The following SRP54 variants were observed in gnomAD, a reference collection of about 807,000 sequenced individuals.
SRP54 encodes signal recognition particle subunit SRP54.
In SRP54, 10 loss-of-function variants were observed where a neutral mutation model predicts 64.8. The observed-to-expected ratio is 0.15, with a 90% confidence interval of 0.10 to 0.26. SRP54 has a LOEUF of 0.26. Among genes scored for constraint, SRP54 ranks in the 10% least tolerant of loss-of-function variants. SRP54 has a pLI of 1.00. For synonymous variants in SRP54, 193 were observed against 185.6 expected (o/e 1.04, Z -0.32); for missense variants, 325 against 613.7 (o/e 0.53, Z 4.97).
chr14:35,001,588 GGCCTAA>G (rs2044174202), intron 4 of SRP54, among the ~76,000 whole-genome samples: 1 of 152,054 alleles, frequency 6.6e-6, no homozygotes, highest in Admixed American at 6.6e-5. Context: ...TTGATGGAAG[GGCCTAA>G]GTTTTTCCTC....
At chr14:35,014,368 C>A (rs1246622191) in intron 10 of SRP54, among the ~76,000 whole-genome samples, 1 of 150,274 alleles carries the variant, frequency 6.7e-6, no homozygotes, top group East Asian at 2.0e-4. Flanking sequence ...CCTTCAGCCT[C>A]CCGGGTTCAA....
At chr14:34,984,332 C>T (rs2043859307) in intron 1 of SRP54, among the ~76,000 whole-genome samples, 1 of 152,142 alleles carries the variant, frequency 6.6e-6, no homozygotes, top group African/African-American at 2.4e-5. Context: ...TTAGTAAAAG[C>T]TCCTATCTCT....
At chr14:35,020,068 C>T (rs2044501674) in intron 13 of SRP54, among the ~76,000 whole-genome samples, 1 of 152,048 alleles carries the variant, frequency 6.6e-6, no homozygotes, top group South Asian at 2.1e-4. Flanking sequence ...ACCTGTAATC[C>T]CAGCTACTTG....
chr14:35,003,669 A>C lies in SRP54; in HGVS notation c.255+2649A>C, dbSNP rs142426962. On this transcript the variant is annotated intron_variant, in intron 4 of 15. Coordinates refer to ENST00000216774, the MANE Select transcript of SRP54 (RefSeq NM_003136.4). The stretch of plus-strand genomic sequence containing the variant: ...CTGCAGCCTCATCCTCCCTGGGCTC[A>C]GGTGATCCCTACACCTGAGCCTCCT... 1.6e-3 allele frequency among the ~76,000 whole-genome samples: 239 copies of C among 149,682 alleles called. 1 individual carries two copies. The highest frequency in any genetic ancestry group is 6.8e-3 in the Middle Eastern group (2 of 292).
intron 2 of SRP54, among the ~76,000 whole-genome samples, chr14:34,997,818 A>G (rs1401293615): frequency 1.3e-5 from 2 of 152,330 alleles, no homozygotes; most frequent in South Asian, 2.1e-4. Flanking sequence ...TTTTTCTAAT[A>G]CTGCTTATTA....
chr14:35,006,510 A>G (rs1330407770), intron 4 of SRP54, among the ~76,000 whole-genome samples: 2 of 152,166 alleles, frequency 1.3e-5, no homozygotes, highest in Non-Finnish European at 2.9e-5. Flanking sequence ...ATATCTCATT[A>G]ATTTTTTATA....
Position 35,013,783 on chromosome 14 carries a change from ATTTTC to A in SRP54, c.786-14_786-10del, listed in dbSNP as rs1271078677. The A allele has an allele frequency of 8.2e-6, 13 of 1,589,018 alleles. No individual in the cohort carries two copies. Among genetic ancestry groups the A allele is most frequent in the African/African-American group, 1.4e-5 (1 of 73,486 alleles). On this transcript the variant is annotated splice_polypyrimidine_tract_variant and intron_variant, in intron 9 of 15. Coordinates refer to ENST00000216774, the MANE Select transcript of SRP54 (RefSeq NM_003136.4). ...TGGGGTTCTTTTGAGGTTATTTTAT[ATTTTC>A]TTTTTTTTTCCAGAGTCGCTGCCAC... is the stretch of plus-strand genomic sequence containing the variant.
At chr14:34,993,440 A>T (rs1207187196) in intron 1 of SRP54, 1 of 152,140 alleles carries the variant, frequency 6.6e-6, no homozygotes, top group Non-Finnish European at 1.5e-5. Flanking sequence ...AAAAAATCTT[A>T]TGGTAAGCAA....
intron 2 of SRP54, among the ~76,000 whole-genome samples, chr14:34,998,387 A>G (rs1342947241): frequency 6.6e-6 from 1 of 152,122 alleles, no homozygotes; most frequent in Admixed American, 6.5e-5. Flanking sequence ...TTCAACAAAC[A>G]TATGATGATA....
intron 11 of SRP54, 149 bp from the exon 12 acceptor site, chr14:35,018,543 T>G: frequency 3.1e-6 from 2 of 639,644 alleles, no homozygotes; most frequent in South Asian, 2.0e-5. Context: ...TCCTGTCATC[T>G]TGCACATGGT....
At chr14:34,992,675 G>A (rs2043999398) in intron 1 of SRP54, among the ~76,000 whole-genome samples, 1 of 152,034 alleles carries the variant, frequency 6.6e-6, no homozygotes, top group Non-Finnish European at 1.5e-5. Context: ...GATTGAAAAA[G>A]TACCTCTTGG....
intron 1 of SRP54, among the ~76,000 whole-genome samples, chr14:34,995,071 T>C (rs1006742575): frequency 2.0e-5 from 3 of 149,730 alleles, no homozygotes; most frequent in Non-Finnish European, 4.4e-5. Flanking sequence ...CATGAGCCAC[T>C]GTACCTGGCC....
chr14:35,017,159 C>T (rs1280645367), intron 11 of SRP54, among the ~76,000 whole-genome samples: 1 of 152,074 alleles, frequency 6.6e-6, no homozygotes, highest in African/African-American at 2.4e-5. Flanking sequence ...CTGGCCGCTC[C>T]TTCCTTTTTC....
chr14:34,987,281 A>ATG (rs1566639944), intron 1 of SRP54, among the ~76,000 whole-genome samples: 8 of 123,556 alleles, frequency 6.5e-5, no homozygotes, highest in Non-Finnish European at 1.1e-4. Context: ...GTGTGTATAT[A>ATG]TATATACACA....
intron 5 of SRP54, among the ~76,000 whole-genome samples, chr14:35,007,778 C>T (rs1205091452): frequency 7.3e-6 from 1 of 137,520 alleles, no homozygotes; most frequent in East Asian, 2.2e-4. Context: ...AATATATTTA[C>T]ATTAAAATAT....
intron 9 of SRP54, 135 bp downstream of exon 9, chr14:35,013,629 A>G (rs879114616): frequency 1.5e-5 from 18 of 1,215,994 alleles, no homozygotes; most frequent in African/African-American, 1.1e-4. Flanking sequence ...AAGTTTAAAT[A>G]GAAACAATTT....
At position 34,984,425 on chromosome 14, in the gene SRP54, TCTC is replaced by T. The variant is rs769914953; in HGVS notation, c.-34+1214_-34+1216del. On this transcript the variant is annotated intron_variant, in intron 1 of 15. Coordinates refer to ENST00000216774, the MANE Select transcript of SRP54 (RefSeq NM_003136.4). ...ATAACCCAAATGGTCTTCCACAGGC[TCTC>T]CTCGAGGCTTCTCGCTTGCTTCCAT... Among the ~76,000 whole-genome samples the T allele has an allele frequency of 5.1e-4, 77 of 152,188 alleles. 1 individual carries two copies. Among genetic ancestry groups the T allele is most frequent in the Non-Finnish European group, 1.8e-4 (12 of 68,046 alleles).
chr14:35,004,186 G>T (rs1437830548), intron 4 of SRP54, among the ~76,000 whole-genome samples: 1 of 152,092 alleles, frequency 6.6e-6, no homozygotes, highest in Non-Finnish European at 1.5e-5. Context: ...GGAGGCAGAG[G>T]TTGCAGTGAG....
chr14:34,999,202 A>G (rs1038103877), intron 2 of SRP54, among the ~76,000 whole-genome samples: 2 of 151,580 alleles, frequency 1.3e-5, no homozygotes, highest in African/African-American at 4.8e-5. Context: ...TTTAGTAGAG[A>G]TGAGGTTTCG....
Sources: allele counts gnomAD v4.1 joint callset (sites outside exome capture counted in the v4.1 genomes callset), GRCh38; gene constraint gnomAD v4.1.1; transcripts MANE v1.5; gene names NCBI Gene and HGNC (gene_info 2026-07-23, HGNC 2026-07-21).